Variants in SRD5A2 observed in about 807,000 individuals in gnomAD.
SRD5A2 encodes 3-oxo-5-alpha-steroid 4-dehydrogenase 2.
In SRD5A2, 30 loss-of-function variants were observed where a neutral mutation model predicts 27.4. The ratio of observed to expected loss-of-function variants is 1.10; its 90% CI spans 0.82 to 1.49. SRD5A2 has a LOEUF of 1.49. Ranked by LOEUF, SRD5A2 falls within the 40% of genes most tolerant of loss-of-function variation. The pLI, the probability that SRD5A2 is intolerant of heterozygous loss-of-function variation, is 0.00. For synonymous variants in SRD5A2, 141 were observed against 133.6 expected (o/e 1.06, Z -0.38); for missense variants, 348 against 323.4 (o/e 1.08, Z -0.58).
In SRD5A2 at chr2:31,523,540, TC is replaced by T. The variant is rs1480664848; in HGVS notation, c.*2655del. On this transcript the variant is annotated 3_prime_UTR_variant, in exon 5 of 5. Coordinates refer to ENST00000622030, the MANE Select transcript of SRD5A2 (RefSeq NM_000348.4). ...TGTGAAGTGGTAGGAATAGCTGATG[TC>T]TGAGGTCTGCTTCAGCTCTTTAAGT... is the stretch of plus-strand genomic sequence containing the variant. The T allele has an allele frequency of 2.8e-4, 62 of 220,826 alleles. No individual in the cohort carries two copies. The highest frequency in any genetic ancestry group is 1.3e-3 in the African/African-American group (58 of 44,662). 13.7% of individuals were successfully genotyped at this position (220,826 alleles called of 1,614,324 possible).
At chr2:31,590,047 C>A in the SRD5A2 span, among the ~76,000 whole-genome samples, 10 of 152,224 alleles carry the variant, frequency 6.6e-5, no homozygotes, top group South Asian at 2.1e-4. Flanking sequence ...CCATAATCCC[C>A]CTAGGAACAT....
At chr2:31,541,452 T>A (rs1666126998) in intron 1 of SRD5A2, among the ~76,000 whole-genome samples, 1 of 151,356 alleles carries the variant, frequency 6.6e-6, no homozygotes, top group Non-Finnish European at 1.5e-5. Context: ...GCAGATCTAC[T>A]CAAAAAAGAC....
chr2:31,580,641 A>C lies in SRD5A2; in HGVS notation c.260T>G (p.Phe87Cys). 1 of 1,583,076 alleles carries C rather than the reference A, an allele frequency of 6.3e-7. No individual in the cohort carries two copies. The highest frequency in any genetic ancestry group is 8.5e-7 in the Non-Finnish European group (1 of 1,171,294). Residue 87 changes from phenylalanine (F) to cysteine (C), a missense_variant, in exon 1 of 5, where the codon TTC becomes TGC. Coordinates refer to ENST00000622030, the MANE Select transcript of SRD5A2 (RefSeq NM_000348.4). ...CTACCTGTGGAAGTAATGTAGGCAGAAGAGGCCCAGAAGTACCGTCCCAGG... is the reference window on the plus strand; with the variant it reads ...CTACCTGTGGAAGTAATGTAGGCAGCAGAGGCCCAGAAGTACCGTCCCAGG... The part of the protein sequence containing the change: ...GPPGTVLLGL[F>C]CLHYFHRTFV...
chr2:31,529,196 C>T, intron 4 of SRD5A2, 111 bp downstream of exon 4: 1 of 1,433,052 alleles, frequency 7.0e-7, no homozygotes, highest in East Asian at 2.5e-5. Context: ...TATCAACCTT[C>T]CCTTAAAAAA....
upstream of SRD5A2, chr2:31,581,123 T>C (rs1039319378): frequency 5.3e-6 from 3 of 563,008 alleles, no homozygotes; most frequent in Admixed American, 6.4e-5. Context: ...ACGAAGGCCT[T>C]CTTAGTTCGC....
intron 1 of SRD5A2, among the ~76,000 whole-genome samples, chr2:31,550,423 C>T (rs1192720438): frequency 1.3e-5 from 2 of 150,034 alleles, no homozygotes; most frequent in African/African-American, 4.9e-5. Context: ...AAAGATAAAC[C>T]AGATAAAGAC....
intron 1 of SRD5A2, among the ~76,000 whole-genome samples, chr2:31,544,697 G>T (rs992888225): frequency 1.3e-5 from 2 of 151,382 alleles, no homozygotes; most frequent in African/African-American, 4.8e-5. Flanking sequence ...GAATAATTAA[G>T]ATTAGAACAA....
At chr2:31,585,936 G>A (rs1247948719), upstream of SRD5A2, among the ~76,000 whole-genome samples, 1 of 152,156 alleles carries the variant, frequency 6.6e-6, no homozygotes, top group Non-Finnish European at 1.5e-5. Flanking sequence ...CTTGTGGGCT[G>A]TGGAGTGAGG....
intron 1 of SRD5A2, among the ~76,000 whole-genome samples, chr2:31,555,653 C>T (rs777088014): frequency 5.3e-5 from 8 of 152,038 alleles, no homozygotes; most frequent in Non-Finnish European, 1.0e-4. Flanking sequence ...TTGATCTGGA[C>T]CTGAAGCTGG....
chr2:31,625,232 T>G, the SRD5A2 span, among the ~76,000 whole-genome samples: 2 of 152,202 alleles, frequency 1.3e-5, no homozygotes, highest in Non-Finnish European at 2.9e-5. Flanking sequence ...GTAAATTTGT[T>G]TAAGTTCTTT....
the SRD5A2 span, among the ~76,000 whole-genome samples, chr2:31,637,520 C>A: frequency 6.6e-6 from 1 of 152,196 alleles, no homozygotes; most frequent in African/African-American, 2.4e-5. Flanking sequence ...GAACTCCCTG[C>A]CCTTTGTCCA....
At chr2:31,560,471 A>G (rs180682077) in intron 1 of SRD5A2, among the ~76,000 whole-genome samples, 21 of 152,338 alleles carry the variant, frequency 1.4e-4, no homozygotes, top group Admixed American at 1.4e-3. Context: ...AATAGCACTG[A>G]TTCTTAATAA....
the SRD5A2 span, among the ~76,000 whole-genome samples, chr2:31,653,355 T>G: frequency 6.6e-6 from 1 of 152,238 alleles, no homozygotes. Flanking sequence ...GTACAAGGAC[T>G]GCTCATTTAC....
At chr2:31,587,211 C>A in the SRD5A2 span, among the ~76,000 whole-genome samples, 1 of 152,162 alleles carries the variant, frequency 6.6e-6, no homozygotes, top group Non-Finnish European at 1.5e-5. Flanking sequence ...TCATTGGTAT[C>A]TCATCACCGT....
At chr2:31,548,825 A>C (rs1666317293) in intron 1 of SRD5A2, among the ~76,000 whole-genome samples, 1 of 152,178 alleles carries the variant, frequency 6.6e-6, no homozygotes, top group Middle Eastern at 3.2e-3. Flanking sequence ...AAAATGTGGA[A>C]GCAATCAAGT....
chr2:31,560,102 A>G (rs966334341), intron 1 of SRD5A2, among the ~76,000 whole-genome samples: 1 of 138,498 alleles, frequency 7.2e-6, no homozygotes, highest in Non-Finnish European at 1.6e-5. Flanking sequence ...TTGGGAATCA[A>G]GTATTTTAGG....
chr2:31,629,575 A>G, the SRD5A2 span, among the ~76,000 whole-genome samples: 3 of 152,028 alleles, frequency 2.0e-5, no homozygotes, highest in Non-Finnish European at 2.9e-5. Context: ...GCAATCCCCA[A>G]CCCTTCTGGG....
chr2:31,655,973 C>A, the SRD5A2 span, among the ~76,000 whole-genome samples: 2 of 152,160 alleles, frequency 1.3e-5, no homozygotes, highest in African/African-American at 2.4e-5. Flanking sequence ...CATCCTCTGA[C>A]GCTGAGAGAG....
rs1665959783 is a variant in SRD5A2, at chr2:31,533,506, T to C, written c.445+97A>G. The C allele has an allele frequency of 3.5e-6, 4 of 1,129,572 alleles. No homozygotes were observed. The Admixed American group carries it at 6.2e-5, about 18-fold the overall frequency. The allele number at this position is 1,129,572 out of a possible 1,614,324, so 70.0% of individuals were successfully genotyped here. On this transcript the variant is annotated intron_variant, in intron 2 of 4. Coordinates refer to ENST00000622030, the MANE Select transcript of SRD5A2 (RefSeq NM_000348.4). ...GGTGAGGGAGGGGAAGATGGGATCA[T>C]TACGAGGTCATTGCAGTAGGGAGAG...
Sources: allele counts gnomAD v4.1 joint callset (sites outside exome capture counted in the v4.1 genomes callset), GRCh38; gene constraint gnomAD v4.1.1; transcripts MANE v1.5; gene names NCBI Gene and HGNC (gene_info 2026-07-23, HGNC 2026-07-21).